S100A10: variants seen among roughly 807,000 people sequenced by gnomAD.
S100A10 encodes the protein protein S100-A10.
S100A10 carries 3 observed loss-of-function variants against 7.1 expected under a neutral mutation model. The ratio of observed to expected loss-of-function variants is 0.42; its 90% CI spans 0.19 to 1.10. The LOEUF is 1.10. Ranked by LOEUF, S100A10 falls within the 50% of genes least tolerant of loss-of-function variation. The pLI, the probability that S100A10 is intolerant of heterozygous loss-of-function variation, is 0.29. For missense variants in S100A10, 101 were observed against 118.1 expected (o/e 0.86, Z 0.67); for synonymous variants, 41 against 39.3 (o/e 1.04, Z -0.16).
At chr1:151,987,027 C>CTTTTTTT (rs386368314) in intron 1 of S100A10, among the ~76,000 whole-genome samples, 6 of 83,548 alleles carry the variant, frequency 7.2e-5, no homozygotes, top group African/African-American at 9.6e-5. Context: ...CAGTGTTCCT[C>CTTTTTTT]TTTTTTTTTT....
Position 151,983,152 on chromosome 1 carries a change from C to T in S100A10, c.*11G>A. ...ACTCTTATCAGGGAGGAGCGAACTG[C>T]TCATTTCTGCCTACTTCTTTCCCTT... On this transcript the variant is annotated 3_prime_UTR_variant, in exon 3 of 3. Transcript: ENST00000368811. 3 of 1,552,052 alleles carry T rather than the reference C, an allele frequency of 1.9e-6. No individual in the cohort carries two copies. Among genetic ancestry groups the T allele is most frequent in the Non-Finnish European group, 2.6e-6 (3 of 1,154,782 alleles).
Position 151,986,089 on chromosome 1 carries a change from C to T in S100A10, c.132+10G>A. The stretch of plus-strand genomic sequence containing the variant: ...TATGTCTGGTTCTTTGTAAGCTTTT[C>T]AACACTTACTTCCAAAAATCCAGGG... On this transcript the variant is annotated intron_variant, in intron 2 of 2. Transcript: ENST00000368811. 1 of 1,582,746 alleles carries T rather than the reference C, an allele frequency of 6.3e-7. No individual in the cohort carries two copies. The highest frequency in any genetic ancestry group is 8.5e-7 in the Non-Finnish European group (1 of 1,169,904).
chr1:151,983,374 G>A (rs374103031), intron 2 of S100A10, 50 bp from the exon 3 acceptor site: 42 of 1,294,656 alleles, frequency 3.2e-5, no homozygotes, highest in Non-Finnish European at 4.2e-5. Context: ...AGGTTGCAAT[G>A]AGGAGCTTAT....
Position 151,987,059 on chromosome 1 carries a change from G to A in S100A10, c.-21-808C>T, listed in dbSNP as rs1184491591. Among the ~76,000 whole-genome samples the A allele has an allele frequency of 5.6e-5, 5 of 88,654 alleles. No homozygotes were observed. The Admixed American group carries it at 8.9e-4, about 16-fold the overall frequency. The allele number at this position is 88,654 out of a possible 152,430, so 58.2% of individuals were successfully genotyped here. Reference sequence around the variant, plus strand: ...TTTTTTTTTTTTTTTTTTTTGAGACGGAGCTTTGCTCTTGTTGCCCAGGCT... The same window carrying A: ...TTTTTTTTTTTTTTTTTTTTGAGACAGAGCTTTGCTCTTGTTGCCCAGGCT... On this transcript the variant is annotated intron_variant, in intron 1 of 2. Coordinates refer to ENST00000368811, the MANE Select transcript of S100A10 (RefSeq NM_002966.3).
At chr1:151,988,943 C>T (rs1383387875) in intron 1 of S100A10, among the ~76,000 whole-genome samples, 2 of 152,154 alleles carry the variant, frequency 1.3e-5, no homozygotes, top group Non-Finnish European at 2.9e-5. Context: ...AATACCTGTG[C>T]TCAAGTTCAG....
At chr1:151,984,245 G>A (rs1280285173) in intron 2 of S100A10, 1 of 152,198 alleles carries the variant, frequency 6.6e-6, no homozygotes, top group Non-Finnish European at 1.5e-5. Flanking sequence ...CTATATTCAT[G>A]AGTGAGGAAA....
chr1:151,990,874 CTCGA>C (rs1655890793), intron 1 of S100A10, among the ~76,000 whole-genome samples: 1 of 152,198 alleles, frequency 6.6e-6, no homozygotes, highest in Non-Finnish European at 1.5e-5. Flanking sequence ...ATAGAGCCTG[CTCGA>C]TGAATTGTTA....
At chr1:151,988,839 G>A (rs1655849418) in intron 1 of S100A10, among the ~76,000 whole-genome samples, 1 of 152,160 alleles carries the variant, frequency 6.6e-6, no homozygotes. Flanking sequence ...TAAGAGAACT[G>A]AACTGGGCGA....
chr1:151,989,018 A>G (rs1655852751), intron 1 of S100A10, among the ~76,000 whole-genome samples: 3 of 152,128 alleles, frequency 2.0e-5, no homozygotes. Context: ...TGGGGTACCT[A>G]GTTTACTTTT....
Position 151,986,455 on chromosome 1 carries a change from G to C in S100A10, c.-21-204C>G, listed in dbSNP as rs531184388. On this transcript the variant is annotated intron_variant, in intron 1 of 2. Transcript: ENST00000368811. ...ACCTCCCATAGTTAGCACTTCTGTG[G>C]TGAGAACACTTAGCCACTCTTAACT... 1.1e-4 allele frequency among the ~76,000 whole-genome samples: 17 copies of C among 152,300 alleles called. No individual in the cohort carries two copies. The South Asian group carries it at 3.5e-3, about 32-fold the overall frequency.
chr1:151,985,482 G>C (rs1456976820), intron 2 of S100A10: 2 of 151,304 alleles, frequency 1.3e-5, no homozygotes, highest in Admixed American at 6.6e-5. Flanking sequence ...TGTGCTGTCA[G>C]AGCATTATTA....
Position 151,987,027 on chromosome 1 carries a change from CTTTTTTTT to C in S100A10, c.-21-784_-21-777del, listed in dbSNP as rs386368314. ...TTAGAAAAGCAACATCAGTGTTCCTCTTTTTTTTTTTTTTTTTTTTTTTTTTGAGACGG... is the reference window on the plus strand; with the variant it reads ...TTAGAAAAGCAACATCAGTGTTCCTCTTTTTTTTTTTTTTTTTTGAGACGG... On this transcript the variant is annotated intron_variant, in intron 1 of 2. Coordinates refer to ENST00000368811, the MANE Select transcript of S100A10 (RefSeq NM_002966.3). 1.9e-4 allele frequency among the ~76,000 whole-genome samples: 16 copies of C among 83,546 alleles called. No homozygotes were observed. In the South Asian group the frequency reaches 4.5e-3, roughly 23 times the overall value. The allele number at this position is 83,546 out of a possible 152,430, so 54.8% of individuals were successfully genotyped here.
chr1:151,983,369 G>A lies in S100A10; in HGVS notation c.133-45C>T, dbSNP rs747831968. 2.2e-5 allele frequency: 28 copies of A among 1,297,064 alleles called. 1 individual carries two copies. Among genetic ancestry groups the A allele is most frequent in the African/African-American group, 3.0e-5 (2 of 67,270 alleles). The allele number at this position is 1,297,064 out of a possible 1,614,324, so 80.3% of individuals were successfully genotyped here. The stretch of plus-strand genomic sequence containing the variant: ...AGGCAAGAAATAGAAGTCAAAGGTT[G>A]CAATGAGGAGCTTATTTGATTTGTA... On this transcript the variant is annotated intron_variant, in intron 2 of 2. Transcript: ENST00000368811.
chr1:151,986,243 C>T lies in S100A10; in HGVS notation c.-13G>A, dbSNP rs535832370. On this transcript the variant is annotated 5_prime_UTR_variant, in exon 2 of 3. Transcript: ENST00000368811. ...TTTGAGATGGCATTTTGGTGTGGTC[C>T]GTTGAAGCCTATTAAAGGATGTAAA... 7 of 1,591,934 alleles carry T rather than the reference C, an allele frequency of 4.4e-6. No homozygotes were observed. The highest frequency in any genetic ancestry group is 1.7e-4 in the Middle Eastern group (1 of 5,966).
At chr1:151,990,226 G>C (rs1306552849) in intron 1 of S100A10, among the ~76,000 whole-genome samples, 1 of 152,218 alleles carries the variant, frequency 6.6e-6, no homozygotes, top group African/African-American at 2.4e-5. Context: ...ACAGTAGATA[G>C]AGTACACAGG....
chr1:151,987,149 C>G (rs903140827), intron 1 of S100A10, among the ~76,000 whole-genome samples: 3 of 143,418 alleles, frequency 2.1e-5, no homozygotes, highest in African/African-American at 7.7e-5. Context: ...GGATTACAGG[C>G]GTCCGCCACC....
At chr1:151,990,877 G>A (rs987470431) in intron 1 of S100A10, among the ~76,000 whole-genome samples, 2 of 152,220 alleles carry the variant, frequency 1.3e-5, no homozygotes, top group African/African-American at 4.8e-5. Flanking sequence ...GAGCCTGCTC[G>A]ATGAATTGTT....
chr1:151,984,087 G>A (rs1655746743), intron 2 of S100A10: 1 of 152,174 alleles, frequency 6.6e-6, no homozygotes. Flanking sequence ...ATGGTGATTG[G>A]CTTCAGCACT....
chr1:151,992,584 G>A (rs188882699), intron 1 of S100A10: 5 of 151,654 alleles, frequency 3.3e-5, no homozygotes, highest in East Asian at 3.9e-4. Flanking sequence ...GGAGTGTTCT[G>A]TCCAAACCAT....
Sources: allele counts gnomAD v4.1 joint callset (sites outside exome capture counted in the v4.1 genomes callset), GRCh38; gene constraint gnomAD v4.1.1; transcripts MANE v1.5; gene names NCBI Gene and HGNC (gene_info 2026-07-23, HGNC 2026-07-21).